The following ZNF827 variants were observed in gnomAD, a reference collection of about 807,000 sequenced individuals.
The protein encoded by ZNF827 is zinc finger protein 827.
Under a neutral mutation model 102.4 loss-of-function variants are expected in ZNF827, and 13 were observed. The observed-to-expected ratio is 0.13, with a 90% CI of 0.08 to 0.20. The LOEUF (loss-of-function observed/expected upper bound fraction) is 0.20. Ranked by LOEUF, ZNF827 falls within the 10% of genes least tolerant of loss-of-function variation. The pLI, the probability that ZNF827 is intolerant of heterozygous loss-of-function variation, is 1.00. For missense variants in ZNF827, 1,103 were observed against 1,344.4 expected, an observed-to-expected ratio of 0.82 and a Z score of 2.81; for synonymous variants, 523 against 536.2, an observed-to-expected ratio of 0.98 and a Z score of 0.34.
intron 2 of ZNF827, among the ~76,000 whole-genome samples, chr4:145,894,199 G>A (rs1055857747): frequency 2.6e-5 from 4 of 152,022 alleles, no homozygotes; most frequent in Non-Finnish European, 5.9e-5. Flanking sequence ...TAAAATACTT[G>A]AGAAAAAATA....
rs1279850077 is a variant in ZNF827 at position 145,760,690 on chromosome 4, CACCT to C, written c.*922_*925del. The C allele has an allele frequency of 3.1e-6, 3 of 967,976 alleles. No individual in the cohort carries two copies. Among genetic ancestry groups the C allele is most frequent in the Non-Finnish European group, 3.9e-6 (3 of 777,240 alleles). 60.0% of individuals were successfully genotyped at this position (967,976 alleles called of 1,614,324 possible). A position where few individuals can be genotyped will look rare whatever the true frequency, so the allele number is the denominator to read the frequency against. On this transcript the variant is annotated 3_prime_UTR_variant, in exon 15 of 15. Coordinates refer to ENST00000508784, the MANE Select transcript of ZNF827 (RefSeq NM_001306215.2). The stretch of plus-strand genomic sequence containing the variant: ...GGTCTGTAGGTTTTGCAGCAACATA[CACCT>C]GCTGGGGTTGTGTTTAAGTTTTGTG...
chr4:145,845,863 G>T, intron 7 of ZNF827, 93 bp downstream of exon 7: 2 of 1,301,432 alleles, frequency 1.5e-6, no homozygotes, highest in Non-Finnish European at 1.1e-6. Flanking sequence ...GAACCCAGTG[G>T]GAGAAAGAGG....
intron 3 of ZNF827, among the ~76,000 whole-genome samples, chr4:145,891,319 T>A (rs527373449): frequency 7.1e-4 from 108 of 152,338 alleles, no homozygotes; most frequent in African/African-American, 2.5e-3. Flanking sequence ...GTCTAAAGGT[T>A]AACTTGCTCA....
At chr4:145,913,304 T>C (rs1481956058) in intron 1 of ZNF827, among the ~76,000 whole-genome samples, 1 of 151,380 alleles carries the variant, frequency 6.6e-6, no homozygotes, top group Non-Finnish European at 1.5e-5. Flanking sequence ...TGCATGCCTG[T>C]GGTCCCAGCT....
At chr4:145,774,341 A>G (rs757700202) in intron 11 of ZNF827, among the ~76,000 whole-genome samples, 165 bp downstream of exon 11, 1 of 152,164 alleles carries the variant, frequency 6.6e-6, no homozygotes, top group Non-Finnish European at 1.5e-5. Context: ...AAACAGTATT[A>G]TGACTACAGG....
intron 8 of ZNF827, among the ~76,000 whole-genome samples, chr4:145,818,148 C>T (rs1160422637): frequency 6.6e-6 from 1 of 152,190 alleles, no homozygotes; most frequent in African/African-American, 2.4e-5. Context: ...ATCAGTAATA[C>T]TTAAAATGCC....
rs768844807 is a variant in ZNF827 at position 145,764,951 on chromosome 4, A to T, written c.3230+37T>A. On this transcript the variant is annotated intron_variant, in intron 13 of 14. Transcript: ENST00000508784. ...AGGGAAGGGGAAAGGGTATTTAATAACAACGCAGTAAAAGGTTCTGTACTT... is the reference window on the plus strand; with the variant it reads ...AGGGAAGGGGAAAGGGTATTTAATATCAACGCAGTAAAAGGTTCTGTACTT... 2.7e-5 allele frequency: 43 copies of T among 1,608,386 alleles called. No individual in the cohort carries two copies. The South Asian group carries it at 4.4e-4, about 17-fold the overall frequency.
At chr4:145,803,391 AAT>A (rs1194374133) in intron 8 of ZNF827, among the ~76,000 whole-genome samples, 1 of 152,142 alleles carries the variant, frequency 6.6e-6, no homozygotes, top group Non-Finnish European at 1.5e-5. Flanking sequence ...TTGAAAAAAA[AAT>A]GAGCTCAAGC....
chr4:145,848,652 C>T (rs7687625), intron 6 of ZNF827, among the ~76,000 whole-genome samples: 57,901 of 151,982 alleles, frequency 0.38, 11,487 homozygotes, highest in African/African-American at 0.48. Context: ...ATTAAATTTG[C>T]TAGGGACAAA....
chr4:145,821,570 CTT>C (rs149432914), intron 8 of ZNF827, among the ~76,000 whole-genome samples: 1 of 147,730 alleles, frequency 6.8e-6, no homozygotes, highest in Non-Finnish European at 1.5e-5. Context: ...CAAAAAAAGT[CTT>C]TTTTTTTTAG....
At chr4:145,925,062 C>T (rs1387006640) in intron 1 of ZNF827, among the ~76,000 whole-genome samples, 2 of 152,194 alleles carry the variant, frequency 1.3e-5, no homozygotes, top group African/African-American at 4.8e-5. Context: ...AAAGTCACAT[C>T]TTACATGGCA....
chr4:145,875,030 T>C (rs1749036975), intron 4 of ZNF827, among the ~76,000 whole-genome samples: 1 of 152,232 alleles, frequency 6.6e-6, no homozygotes, highest in Non-Finnish European at 1.5e-5. Context: ...TGGGATAAGA[T>C]GATTCCAGTC....
chr4:145,902,462 G>A lies in ZNF827; in HGVS notation c.797C>T (p.Thr266Ile). The stretch of plus-strand genomic sequence containing the variant: ...CGGTGGAGGGTGCTCCTGACCAGGA[G>A]TCAAACTTCTTTCACTGACCTTCTT... ...LSKKVSERSLTPGQEHPPPAS... is the reference protein window; with the variant it reads ...LSKKVSERSLIPGQEHPPPAS... Residue 266 changes from threonine (T) to isoleucine (I), a missense_variant, in exon 2 of 15, where the codon ACT becomes ATT. By Grantham distance (89) the Thr-to-Ile change is moderately conservative (BLOSUM62 -1). This residue lies in a region of ZNF827 where 441 missense variants were observed against 458.6 expected (regional missense o/e 0.96). Coordinates refer to ENST00000508784, the MANE Select transcript of ZNF827 (RefSeq NM_001306215.2). This position sits in a 1 kb window ranked among gnomAD's most constrained non-coding sequence, Gnocchi z 4.3. 1 of 1,614,208 alleles carries A rather than the reference G, an allele frequency of 6.2e-7. No homozygotes were observed. Among genetic ancestry groups the A allele is most frequent in the Non-Finnish European group, 8.5e-7 (1 of 1,180,048 alleles).
rs550071623 is a variant in ZNF827, at chr4:145,906,532, G to T, written c.44-3317C>A. Among the ~76,000 whole-genome samples, 11 of 152,262 alleles carry T rather than the reference G, an allele frequency of 7.2e-5. No homozygotes were observed. The East Asian group carries it at 2.1e-3, about 29-fold the overall frequency. ...TTTCCTAACCCCCTCCACACCCTCA[G>T]TGAGCAAGAATATTCCCCCTCCAAA... On this transcript the variant is annotated intron_variant, in intron 1 of 14. Transcript: ENST00000508784.
At position 145,765,235 on chromosome 4, in the gene ZNF827, G is replaced by A; in HGVS notation, c.3053-70C>T. 1.4e-6 allele frequency: 2 copies of A among 1,472,700 alleles called. No individual in the cohort carries two copies. Among genetic ancestry groups the A allele is most frequent in the South Asian group, 1.4e-5 (1 of 73,078 alleles). 91.2% of individuals were successfully genotyped at this position (1,472,700 alleles called of 1,614,324 possible). A position where few individuals can be genotyped will look rare whatever the true frequency, so the allele number is the denominator to read the frequency against. On this transcript the variant is annotated intron_variant, in intron 12 of 14. Transcript: ENST00000508784. This position sits in a 1 kb window ranked among gnomAD's most constrained non-coding sequence, Gnocchi z 4.7. Reference sequence around the variant, plus strand: ...GAGAGGAGGGCAGGAGTGGAGCCAAGCTCCTCCCCACTTCCTCCCGCCTCC... The same window carrying A: ...GAGAGGAGGGCAGGAGTGGAGCCAAACTCCTCCCCACTTCCTCCCGCCTCC...
chr4:145,895,762 G>C (rs1196652351), intron 2 of ZNF827, among the ~76,000 whole-genome samples: 3 of 152,100 alleles, frequency 2.0e-5, no homozygotes, highest in Non-Finnish European at 4.4e-5. Context: ...AGGAAGTAAG[G>C]TTGTATTCTA....
chr4:145,828,179 C>T (rs950528814), intron 7 of ZNF827, among the ~76,000 whole-genome samples: 7 of 152,180 alleles, frequency 4.6e-5, no homozygotes, highest in East Asian at 1.9e-4. Flanking sequence ...TGTCCTCCAA[C>T]TGGTTACTTC....
chr4:145,833,838 T>A (rs1744526912), intron 7 of ZNF827, among the ~76,000 whole-genome samples: 1 of 149,440 alleles, frequency 6.7e-6, no homozygotes, highest in Admixed American at 6.7e-5. Flanking sequence ...CTGCGCCCCA[T>A]CCCTTATTTC....
At chr4:145,824,718 A>AT (rs1018335021) in intron 7 of ZNF827, among the ~76,000 whole-genome samples, 1 of 151,820 alleles carries the variant, frequency 6.6e-6, no homozygotes, top group African/African-American at 2.4e-5. Context: ...AGGGATCACT[A>AT]CCCCCCACCA....
Sources: allele counts gnomAD v4.1 joint callset (sites outside exome capture counted in the v4.1 genomes callset), GRCh38; gene constraint gnomAD v4.1.1; regional missense constraint gnomAD v4.1.1; non-coding constraint Gnocchi (gnomAD v3.1); transcripts MANE v1.5; gene names NCBI Gene and HGNC (gene_info 2026-07-23, HGNC 2026-07-21).